FNDC7: variants seen among roughly 807,000 people sequenced by gnomAD.
FNDC7 encodes fibronectin type III domain containing 7.
A neutral mutation model predicts 74.2 loss-of-function variants in FNDC7; 66 were observed. The observed-to-expected ratio is 0.89, with a 90% confidence interval of 0.73 to 1.09. FNDC7 has a LOEUF of 1.09. FNDC7 is among the 50% of genes least tolerant of loss of function. The pLI is 0.00. For missense variants in FNDC7, 829 were observed against 893.4 expected (o/e 0.93, Z 0.92); for synonymous variants, 307 against 330.2 (o/e 0.93, Z 0.76).
At chr1:108,719,750 G>T (rs1405686336) in intron 4 of FNDC7, among the ~76,000 whole-genome samples, 1 of 31,090 alleles carries the variant, frequency 3.2e-5, no homozygotes, top group Non-Finnish European at 1.1e-4. Context: ...GCGAATGAGA[G>T]AGAGAGAGAG....
At chr1:108,716,186 A>G (rs1054090798) in intron 2 of FNDC7, among the ~76,000 whole-genome samples, 35 of 152,174 alleles carry the variant, frequency 2.3e-4, no homozygotes, top group African/African-American at 8.2e-4. Flanking sequence ...GTTCATTCCA[A>G]TGAACAGAAC....
intron 9 of FNDC7, 123 bp downstream of exon 9, chr1:108,731,051 T>C (rs938554766): frequency 2.6e-6 from 3 of 1,162,902 alleles, no homozygotes; most frequent in Non-Finnish European, 3.6e-6. Flanking sequence ...TAAACTCAGA[T>C]TACTTTCTAA....
At chr1:108,730,214 T>C (rs1661311722) in intron 8 of FNDC7, among the ~76,000 whole-genome samples, 1 of 151,932 alleles carries the variant, frequency 6.6e-6, no homozygotes, top group Admixed American at 6.6e-5. Flanking sequence ...CCATCTCTAC[T>C]GAAAATACAA....
intron 2 of FNDC7, among the ~76,000 whole-genome samples, chr1:108,714,604 C>CTTTT (rs1570721756): frequency 1.9e-5 from 1 of 53,642 alleles, no homozygotes. Flanking sequence ...TACAAAGTGG[C>CTTTT]ATTTTTTTTT....
At chr1:108,713,600 T>C in intron 2 of FNDC7, 71 bp downstream of exon 2, 1 of 1,353,664 alleles carries the variant, frequency 7.4e-7, no homozygotes. Flanking sequence ...ATTCACGGGC[T>C]ACCCTGAAAT....
Position 108,736,638 on chromosome 1 carries a change from A to G in FNDC7, c.2141-857A>G, listed in dbSNP as rs117401509. 9.5e-4 allele frequency among the ~76,000 whole-genome samples: 145 copies of G among 152,352 alleles called. 2 individuals are homozygous for G. The East Asian group carries it at 0.024, about 25-fold the overall frequency. The stretch of plus-strand genomic sequence containing the variant: ...TTCCTCTGAGGGCTGGTTAGCCACC[A>G]GAAGTCCTTGTGAGTTAGAACTCAA... On this transcript the variant is annotated intron_variant, in intron 10 of 12. Coordinates refer to ENST00000370017, the MANE Select transcript of FNDC7 (RefSeq NM_001144937.3).
intron 5 of FNDC7, among the ~76,000 whole-genome samples, chr1:108,724,965 C>T (rs1222175088): frequency 6.6e-6 from 1 of 151,522 alleles, no homozygotes; most frequent in African/African-American, 2.4e-5. Context: ...CCTGTAGTCC[C>T]AGATGCTTGG....
intron 11 of FNDC7, among the ~76,000 whole-genome samples, chr1:108,740,050 A>AG (rs1661602765): frequency 6.8e-6 from 1 of 147,156 alleles, no homozygotes; most frequent in African/African-American, 2.5e-5. Flanking sequence ...AAAAAAAAAA[A>AG]TCCCGCAAGG....
intron 2 of FNDC7, among the ~76,000 whole-genome samples, chr1:108,716,021 C>T (rs533476981): frequency 6.6e-6 from 1 of 152,248 alleles, no homozygotes; most frequent in South Asian, 2.1e-4. Flanking sequence ...TTCCATGAGG[C>T]CAGTTTTGTG....
chr1:108,715,671 GCA>G lies in FNDC7; in HGVS notation c.83-2086_83-2085del, dbSNP rs957758663. On this transcript the variant is annotated intron_variant, in intron 2 of 12. Transcript: ENST00000370017. ...CAAACATGCGCGTGCGTGCGCGCGC[GCA>G]CACACACACACACACACACTTTCCA... Among the ~76,000 whole-genome samples the G allele has an allele frequency of 2.5e-3, 379 of 150,690 alleles. 1 individual carries two copies. The highest frequency in any genetic ancestry group is 8.6e-3 in the African/African-American group (352 of 41,034).
At chr1:108,726,244 TTGC>T (rs1487773849) in intron 6 of FNDC7, among the ~76,000 whole-genome samples, 1 of 152,218 alleles carries the variant, frequency 6.6e-6, no homozygotes, top group Non-Finnish European at 1.5e-5. Context: ...TTGTTCAACC[TTGC>T]TCTGAAAGAT....
chr1:108,730,762 C>T lies in FNDC7; in HGVS notation c.1713C>T (p.Thr571=). The T allele has an allele frequency of 6.2e-7, 1 of 1,613,772 alleles. No homozygotes were observed. Among genetic ancestry groups the T allele is most frequent in the Non-Finnish European group, 8.5e-7 (1 of 1,179,866 alleles). Residue 571 remains threonine (T), a synonymous_variant, in exon 9 of 13, where the codon ACC becomes ACT. Transcript: ENST00000370017. ...VSWTIGRVAQ[T]HVAVLESHTG... Reference sequence around the variant, plus strand: ...GGACTATTGGGAGAGTGGCTCAAACCCATGTTGCAGTTCTGGAGTCACACA... The same window carrying T: ...GGACTATTGGGAGAGTGGCTCAAACTCATGTTGCAGTTCTGGAGTCACACA...
rs1368382603 is a variant in FNDC7, at chr1:108,722,587, A to G, written c.851A>G (p.Lys284Arg). 6.2e-7 allele frequency: 1 copy of G among 1,612,430 alleles called. No individual in the cohort carries two copies. Among genetic ancestry groups the G allele is most frequent in the South Asian group, 1.1e-5 (1 of 90,824 alleles). ...AAATCATCTTCAGCAATGACCCTGA[A>G]AACTGGTATGTAAACAAGAGTGAGA... ...SSKSSSAMTLKTVACAPGRVT... is the reference protein window; with the variant it reads ...SSKSSSAMTLRTVACAPGRVT... Residue 284 changes from lysine (K) to arginine (R), a missense_variant, in exon 5 of 13, where the codon AAA becomes AGA. Transcript: ENST00000370017.
intron 4 of FNDC7, 106 bp downstream of exon 4, chr1:108,719,155 C>T: frequency 1.6e-6 from 2 of 1,223,014 alleles, no homozygotes; most frequent in Non-Finnish European, 2.3e-6. Context: ...TACAGAGCAG[C>T]TGGCAACAGC....
chr1:108,721,871 G>A (rs888165414), intron 4 of FNDC7, among the ~76,000 whole-genome samples: 6 of 152,164 alleles, frequency 3.9e-5, no homozygotes, highest in Admixed American at 1.3e-4. Flanking sequence ...CAAAAGTAAC[G>A]AAGGGATATG....
chr1:108,723,606 T>C (rs980980619), intron 5 of FNDC7, among the ~76,000 whole-genome samples: 1 of 152,218 alleles, frequency 6.6e-6, no homozygotes, highest in Admixed American at 6.5e-5. Context: ...TGTGATTTAA[T>C]GTGAATGGTA....
rs1661325368 is a variant in FNDC7 at position 108,730,753 on chromosome 1, G to A, written c.1704G>A (p.Val568=). 2 of 1,613,684 alleles carry A rather than the reference G, an allele frequency of 1.2e-6. No homozygotes were observed. Among genetic ancestry groups the A allele is most frequent in the Non-Finnish European group, 1.7e-6 (2 of 1,179,816 alleles). Residue 568 remains valine, a synonymous_variant, in exon 9 of 13, where the codon GTG becomes GTA. Coordinates refer to ENST00000370017, the MANE Select transcript of FNDC7 (RefSeq NM_001144937.3). ...ACGTGAGCTGGACTATTGGGAGAGT[G>A]GCTCAAACCCATGTTGCAGTTCTGG... ...VINVSWTIGR[V]AQTHVAVLES... is the part of the protein sequence containing the mutation.
At chr1:108,716,843 A>C (rs1241727427) in intron 2 of FNDC7, among the ~76,000 whole-genome samples, 1 of 152,148 alleles carries the variant, frequency 6.6e-6, no homozygotes, top group Non-Finnish European at 1.5e-5. Flanking sequence ...AGTGGAGTAC[A>C]TTAAACCTGA....
chr1:108,740,338 T>C (rs975639112), intron 11 of FNDC7, among the ~76,000 whole-genome samples: 2 of 145,452 alleles, frequency 1.4e-5, no homozygotes, highest in Admixed American at 1.4e-4. Flanking sequence ...TTTTTTTTTT[T>C]TTTTTTTGAG....
Sources: allele counts gnomAD v4.1 joint callset (sites outside exome capture counted in the v4.1 genomes callset), GRCh38; gene constraint gnomAD v4.1.1; transcripts MANE v1.5; gene names NCBI Gene and HGNC (gene_info 2026-07-23, HGNC 2026-07-21).